NRG1: variants seen among roughly 807,000 people sequenced by gnomAD.
NRG1 encodes the protein pro-neuregulin-1, membrane-bound isoform.
NRG1 carries 18 observed loss-of-function variants against 63.8 expected under a neutral mutation model. That is an observed-to-expected ratio of 0.28 (90% CI 0.19 to 0.42). The LOEUF (loss-of-function observed/expected upper bound fraction) is 0.42. Among genes scored for constraint, NRG1 ranks in the 10% least tolerant of loss-of-function variants. NRG1 has a pLI of 1.00. For missense variants in NRG1, 762 were observed against 814.7 expected, an observed-to-expected ratio of 0.94 and a Z score of 0.79; for synonymous variants, 302 against 301.3, an observed-to-expected ratio of 1.00 and a Z score of -0.02.
chr8:32,762,831 G>A (rs1830966289), intron 11 of NRG1, among the ~76,000 whole-genome samples: 1 of 152,176 alleles, frequency 6.6e-6, no homozygotes, highest in African/African-American at 2.4e-5. Context: ...TATACTGGGG[G>A]AAGAAAGCAT....
chr8:32,764,418 A>G lies in NRG1; in HGVS notation c.*16A>G, dbSNP rs753350586. The G allele has an allele frequency of 1.4e-5, 21 of 1,521,496 alleles. No homozygotes were observed. In the African/African-American group the frequency reaches 2.5e-4, roughly 18 times the overall value. 94.2% of individuals were successfully genotyped at this position (1,521,496 alleles called of 1,614,324 possible). A position where few individuals can be genotyped will look rare whatever the true frequency, so the allele number is the denominator to read the frequency against. ...TGCTGTATAAAACCTAAATAAACAC[A>G]TAGATTCACCTGTAAAACTTTATTT... On this transcript the variant is annotated 3_prime_UTR_variant, in exon 12 of 12. Coordinates refer to ENST00000356819, the Ensembl canonical transcript of NRG1.
intron 1 of NRG1, among the ~76,000 whole-genome samples, chr8:32,425,376 A>G (rs1217140422): frequency 6.6e-6 from 1 of 152,158 alleles, no homozygotes; most frequent in Non-Finnish European, 1.5e-5. Flanking sequence ...AATCCAGAAG[A>G]AATGTGAAGA....
chr8:32,300,087 A>G (rs1855411335), intron 1 of NRG1, among the ~76,000 whole-genome samples: 1 of 152,146 alleles, frequency 6.6e-6, no homozygotes, highest in Non-Finnish European at 1.5e-5. Context: ...ACATGACTTC[A>G]TTGTTCTCCC....
intron 1 of NRG1, among the ~76,000 whole-genome samples, chr8:32,105,107 CAT>C (rs1392252723): frequency 1.3e-5 from 2 of 152,090 alleles, no homozygotes; most frequent in Non-Finnish European, 2.9e-5. Context: ...ACCGCAGACA[CAT>C]GAGTAATACT....
At chr8:32,628,323 G>A (rs1443868214) in intron 5 of NRG1, among the ~76,000 whole-genome samples, 1 of 152,140 alleles carries the variant, frequency 6.6e-6, no homozygotes, top group African/African-American at 2.4e-5. Flanking sequence ...ATTTGATCCA[G>A]ATGCATTTTT....
At chr8:32,032,854 G>GACAC (rs1818475622) in intron 1 of NRG1, among the ~76,000 whole-genome samples, 3 of 152,084 alleles carry the variant, frequency 2.0e-5, no homozygotes, top group Non-Finnish European at 4.4e-5. Context: ...TTGTGCCCAT[G>GACAC]TCCTAAATGG....
In NRG1 at chr8:31,983,264, A is replaced by G. The variant is rs1022197570; in HGVS notation, c.37+343833A>G. Among the ~76,000 whole-genome samples, 25 of 152,104 alleles carry G rather than the reference A, an allele frequency of 1.6e-4. 1 individual carries two copies. The highest frequency in any genetic ancestry group is 4.4e-5 in the Non-Finnish European group (3 of 67,996). The stretch of plus-strand genomic sequence containing the variant: ...GTGAATCTTTTATCTATCTTTGGAA[A>G]ATTTTAAGAAGTGCTTAATTTCAGA... On this transcript the variant is annotated intron_variant, in intron 1 of 10. Coordinates refer to the NRG1 transcript ENST00000519301.
chr8:31,691,046 T>A (rs1205557682), intron 1 of NRG1, among the ~76,000 whole-genome samples: 4 of 151,958 alleles, frequency 2.6e-5, no homozygotes, highest in African/African-American at 7.3e-5. Flanking sequence ...GAGACTGAGG[T>A]TGGAGTCCTG....
intron 1 of NRG1, among the ~76,000 whole-genome samples, chr8:31,925,721 C>A (rs1054090755): frequency 3.7e-5 from 5 of 134,698 alleles, no homozygotes; most frequent in African/African-American, 1.3e-4. Context: ...TCTTCTTCTT[C>A]TGTGTCAATT....
At chr8:31,848,088 T>A (rs1269589733) in intron 1 of NRG1, among the ~76,000 whole-genome samples, 1 of 152,070 alleles carries the variant, frequency 6.6e-6, no homozygotes, top group African/African-American at 2.4e-5. Flanking sequence ...CACAAAGAAA[T>A]GCACTATTAT....
At chr8:32,691,835 T>C (rs532433754) in intron 5 of NRG1, among the ~76,000 whole-genome samples, 14 of 152,334 alleles carry the variant, frequency 9.2e-5, no homozygotes, top group Middle Eastern at 6.8e-3. Flanking sequence ...ATCCTTCTTT[T>C]AGCTTTTCAC....
chr8:32,498,101 G>T (rs1827431631), intron 1 of NRG1, among the ~76,000 whole-genome samples: 1 of 152,146 alleles, frequency 6.6e-6, no homozygotes, highest in African/African-American at 2.4e-5. Context: ...GGGATTACAG[G>T]TGTGAGCCAC....
At chr8:32,191,565 T>A (rs557391638) in intron 1 of NRG1, among the ~76,000 whole-genome samples, 58 of 152,242 alleles carry the variant, frequency 3.8e-4, no homozygotes, top group African/African-American at 1.3e-3. Flanking sequence ...TAAGAGAAAA[T>A]TTTTCCTTGC....
chr8:31,906,230 C>T (rs1426014868), intron 1 of NRG1, among the ~76,000 whole-genome samples: 1 of 152,178 alleles, frequency 6.6e-6, no homozygotes, highest in Non-Finnish European at 1.5e-5. Flanking sequence ...TGTCAGGAAG[C>T]TTTAGCTCCT....
intron 1 of NRG1, among the ~76,000 whole-genome samples, chr8:31,763,600 T>C (rs1280460131): frequency 6.6e-6 from 1 of 152,140 alleles, no homozygotes; most frequent in Admixed American, 6.6e-5. Flanking sequence ...AGTATGACTA[T>C]TTGATTAGGG....
intron 1 of NRG1, among the ~76,000 whole-genome samples, chr8:32,101,048 C>A (rs765287964): frequency 6.6e-6 from 1 of 152,008 alleles, no homozygotes; most frequent in Non-Finnish European, 1.5e-5. Context: ...TTTTCCTAGG[C>A]ATTTTCCGGC....
chr8:32,128,870 T>A (rs544142035), intron 1 of NRG1, among the ~76,000 whole-genome samples: 1 of 152,084 alleles, frequency 6.6e-6, no homozygotes, highest in East Asian at 1.9e-4. Context: ...TCATTGAATG[T>A]TCAAGCCTTC....
At chr8:31,924,202 A>AG (rs1834146967) in intron 1 of NRG1, among the ~76,000 whole-genome samples, 1 of 151,884 alleles carries the variant, frequency 6.6e-6, no homozygotes, top group African/African-American at 2.4e-5. Flanking sequence ...AAAAAAAAAA[A>AG]AATCTAACCG....
intron 1 of NRG1, among the ~76,000 whole-genome samples, chr8:31,853,561 G>T (rs1827492992): frequency 6.7e-6 from 1 of 150,338 alleles, no homozygotes; most frequent in Non-Finnish European, 1.5e-5. Context: ...CTGCAAACAG[G>T]GACAATTTGA....
Sources: allele counts gnomAD v4.1 joint callset (sites outside exome capture counted in the v4.1 genomes callset), GRCh38; gene constraint gnomAD v4.1.1; transcripts MANE v1.5; gene names NCBI Gene and HGNC (gene_info 2026-07-23, HGNC 2026-07-21).